The following SFMBT1 variants were observed in gnomAD, a reference collection of about 807,000 sequenced individuals.
SFMBT1 encodes the protein Scm like with four mbt domains 1.
In SFMBT1, 32 loss-of-function variants were observed where a neutral mutation model predicts 108.7. The ratio of observed to expected loss-of-function variants is 0.29; its 90% CI spans 0.22 to 0.40. The LOEUF (loss-of-function observed/expected upper bound fraction) is 0.40. Among genes scored for constraint, SFMBT1 ranks in the 10% least tolerant of loss-of-function variants. SFMBT1 has a pLI of 1.00. For synonymous variants in SFMBT1, 348 were observed against 369.5 expected (o/e 0.94, Z 0.67); for missense variants, 816 against 1,059.6 (o/e 0.77, Z 3.19).
chr3:53,043,272 A>T (rs1360429600), intron 1 of SFMBT1: 14 of 138,788 alleles, frequency 1.0e-4, no homozygotes, highest in South Asian at 3.2e-4. Flanking sequence ...GAGGGTTAAT[A>T]AAAAAAAAAA....
intron 2 of SFMBT1, among the ~76,000 whole-genome samples, chr3:52,955,126 G>A (rs1703736792): frequency 6.6e-6 from 1 of 152,038 alleles, no homozygotes; most frequent in South Asian, 2.1e-4. Flanking sequence ...TACAGGCACT[G>A]GTTTTTTGAA....
intron 1 of SFMBT1, among the ~76,000 whole-genome samples, chr3:53,026,047 T>A (rs1216814918): frequency 1.3e-5 from 2 of 152,242 alleles, no homozygotes; most frequent in African/African-American, 4.8e-5. Flanking sequence ...GAAAAAGTTC[T>A]ACCCCCAAAT....
intron 1 of SFMBT1, among the ~76,000 whole-genome samples, 197 bp downstream of exon 1, chr3:53,045,608 CCCCCCGCCCCG>C (rs1201163225): frequency 4.3e-5 from 6 of 138,452 alleles, no homozygotes; most frequent in Admixed American, 7.0e-5. Context: ...GCGCCGCGCT[CCCCCCGCCCCG>C]CCCCCGCCCC....
chr3:53,018,396 T>C (rs1699196060), intron 1 of SFMBT1, among the ~76,000 whole-genome samples: 1 of 152,146 alleles, frequency 6.6e-6, no homozygotes, highest in South Asian at 2.1e-4. Flanking sequence ...GGAAAATCCC[T>C]TCCCTGAAGC....
At chr3:52,926,319 C>T (rs1473119366) in intron 9 of SFMBT1, among the ~76,000 whole-genome samples, 1 of 152,200 alleles carries the variant, frequency 6.6e-6, no homozygotes, top group African/African-American at 2.4e-5. Context: ...TGTAATAAGA[C>T]AATCAGACTC....
At chr3:52,911,958 C>T (rs1189030160) in intron 16 of SFMBT1, among the ~76,000 whole-genome samples, 1 of 152,104 alleles carries the variant, frequency 6.6e-6, no homozygotes, top group Non-Finnish European at 1.5e-5. Context: ...CCTCAGCCTC[C>T]CAGAGTGCTA....
chr3:53,010,729 GAACTT>G (rs768270150), intron 1 of SFMBT1, among the ~76,000 whole-genome samples: 15 of 152,200 alleles, frequency 9.9e-5, no homozygotes, highest in East Asian at 9.6e-4. Flanking sequence ...TGTATATATA[GAACTT>G]AACTTATAAA....
intron 12 of SFMBT1, among the ~76,000 whole-genome samples, chr3:52,919,606 G>T (rs4687690): frequency 0.97 from 147,956 of 152,300 alleles, 72,024 homozygotes; most frequent in Middle Eastern, 1. Flanking sequence ...TGTAACACCA[G>T]AAAGCTGTTT....
intron 1 of SFMBT1, among the ~76,000 whole-genome samples, chr3:53,013,831 G>A (rs1006364291): frequency 4.1e-4 from 63 of 151,828 alleles, no homozygotes; most frequent in African/African-American, 1.5e-3. Context: ...GTTTCACCAT[G>A]TTGGTCAGGC....
At position 52,916,199 on chromosome 3, in the gene SFMBT1, C is replaced by T; in HGVS notation, c.1431G>A (p.Arg477=). The T allele has an allele frequency of 1.2e-6, 2 of 1,613,930 alleles. No homozygotes were observed. The highest frequency in any genetic ancestry group is 1.7e-6 in the Non-Finnish European group (2 of 1,179,942). Residue 477 remains arginine (R), a synonymous_variant, in exon 14 of 21, where the codon AGG becomes AGA. Transcript: ENST00000394752. The part of the protein sequence containing the change: ...VQPEKQVPSS[R]TVHEGLRNQE... ...GATTCCTCAGGCCCTCGTGGACAGT[C>T]CTCGAGGATGGTACTCTGGGTCAAG...
chr3:52,963,604 G>A (rs1013709340), intron 2 of SFMBT1, among the ~76,000 whole-genome samples: 1 of 151,758 alleles, frequency 6.6e-6, no homozygotes, highest in Admixed American at 6.6e-5. Context: ...ACATGCCACT[G>A]CACCTGGCTA....
At chr3:53,011,386 C>T (rs1159138018) in intron 1 of SFMBT1, among the ~76,000 whole-genome samples, 1 of 152,184 alleles carries the variant, frequency 6.6e-6, no homozygotes, top group East Asian at 1.9e-4. Flanking sequence ...GCATAGATAA[C>T]GAGGCCCCAC....
intron 1 of SFMBT1, among the ~76,000 whole-genome samples, chr3:52,977,790 T>C (rs59121589): frequency 6.6e-6 from 1 of 152,122 alleles, no homozygotes; most frequent in African/African-American, 2.4e-5. Context: ...GAAGAATACA[T>C]CCAAATCATT....
At chr3:52,979,858 A>C (rs188876908) in intron 1 of SFMBT1, among the ~76,000 whole-genome samples, 5 of 152,204 alleles carry the variant, frequency 3.3e-5, no homozygotes, top group Non-Finnish European at 5.9e-5. Context: ...CTCATAATCT[A>C]AAGTGTGTAG....
At chr3:53,012,417 T>TC (rs766829627) in intron 1 of SFMBT1, among the ~76,000 whole-genome samples, 15 of 151,056 alleles carry the variant, frequency 9.9e-5, no homozygotes, top group Admixed American at 1.3e-4. Context: ...TTTTTTTTTT[T>TC]CCCGAGACGG....
intron 1 of SFMBT1, among the ~76,000 whole-genome samples, chr3:53,031,092 T>C (rs1699669329): frequency 6.6e-6 from 1 of 152,206 alleles, no homozygotes; most frequent in African/African-American, 2.4e-5. Flanking sequence ...TGGCTCCTCC[T>C]GGTTTCAGGG....
At chr3:52,986,134 C>G (rs535941446) in intron 1 of SFMBT1, among the ~76,000 whole-genome samples, 109 of 131,026 alleles carry the variant, frequency 8.3e-4, no homozygotes, top group African/African-American at 2.8e-3. Context: ...CAGAGTGAGA[C>G]TCCGTCTCAG....
At position 52,913,465 on chromosome 3, in the gene SFMBT1, G is replaced by C; in HGVS notation, c.1620+13C>G. On this transcript the variant is annotated intron_variant, in intron 15 of 20. Transcript: ENST00000394752. ...AAATTTCCAAGTTATTTTGCTCTAG[G>C]CCAGAACCTTACCTCTCTAAGGACC... is the stretch of plus-strand genomic sequence containing the variant. The C allele has an allele frequency of 6.2e-7, 1 of 1,609,630 alleles. No individual in the cohort carries two copies. Among genetic ancestry groups the C allele is most frequent in the Non-Finnish European group, 8.5e-7 (1 of 1,178,798 alleles).
At chr3:53,012,535 T>C (rs1046273011) in intron 1 of SFMBT1, among the ~76,000 whole-genome samples, 1 of 152,006 alleles carries the variant, frequency 6.6e-6, no homozygotes, top group African/African-American at 2.4e-5. Context: ...CCCGAGTAGC[T>C]GGGACTACAG....
Sources: gnomAD v4.1 joint callset for allele counts (sites outside exome capture counted in the v4.1 genomes callset) on GRCh38, gnomAD v4.1.1 for gene constraint, MANE v1.5 for transcripts, NCBI Gene and HGNC (gene_info 2026-07-23, HGNC 2026-07-21) for gene names.